NFYC: variants seen among roughly 807,000 people sequenced by gnomAD.
NFYC encodes the protein nuclear transcription factor Y subunit gamma.
In NFYC, 25 loss-of-function variants were observed where a neutral mutation model predicts 53.1. The ratio of observed to expected loss-of-function variants is 0.47; its 90% CI spans 0.34 to 0.66. NFYC has a LOEUF of 0.66. Among genes scored for constraint, NFYC ranks in the 30% least tolerant of loss-of-function variants. NFYC has a pLI of 0.01. For missense variants in NFYC, 260 were observed against 422.7 expected (o/e 0.62, Z 3.38); for synonymous variants, 145 against 152.6 (o/e 0.95, Z 0.37).
At chr1:40,756,066 A>G (rs1646202096) in intron 5 of NFYC, among the ~76,000 whole-genome samples, 2 of 152,172 alleles carry the variant, frequency 1.3e-5, no homozygotes, top group Non-Finnish European at 2.9e-5. Flanking sequence ...TCATTACCCA[A>G]GAGCTTTTCC....
At chr1:40,762,086 T>C (rs942408930) in intron 6 of NFYC, among the ~76,000 whole-genome samples, 1 of 152,244 alleles carries the variant, frequency 6.6e-6, no homozygotes, top group African/African-American at 2.4e-5. Flanking sequence ...GTACATTTCA[T>C]AGGACTACAA....
chr1:40,758,073 G>C, intron 5 of NFYC, 48 bp from the exon 6 acceptor site: 1 of 1,603,662 alleles, frequency 6.2e-7, no homozygotes, highest in Non-Finnish European at 8.5e-7. Context: ...TGTGGCGGCT[G>C]CTGAGTTGGT....
intron 5 of NFYC, among the ~76,000 whole-genome samples, chr1:40,756,149 C>A (rs1646207396): frequency 6.6e-6 from 1 of 152,212 alleles, no homozygotes; most frequent in Non-Finnish European, 1.5e-5. Flanking sequence ...AACACAAGTA[C>A]CTTGAACCTA....
intron 1 of NFYC, among the ~76,000 whole-genome samples, chr1:40,713,837 G>A (rs1644025118): frequency 6.6e-6 from 1 of 152,070 alleles, no homozygotes; most frequent in East Asian, 1.9e-4. Context: ...TTCTGTATAG[G>A]CTTGCTGTTT....
At chr1:40,735,669 G>A (rs572097056) in intron 1 of NFYC, 1 of 985,402 alleles carries the variant, frequency 1.0e-6, no homozygotes, top group Non-Finnish European at 1.2e-6. Context: ...TGGCAATTGT[G>A]CATCTTTCTC....
At chr1:40,759,139 A>T (rs555262993) in intron 6 of NFYC, among the ~76,000 whole-genome samples, 1 of 151,990 alleles carries the variant, frequency 6.6e-6, no homozygotes, top group Admixed American at 6.6e-5. Flanking sequence ...TGGGAGGCCA[A>T]TGTGGGAGGA....
chr1:40,754,507 TTCC>T (rs1570660808), intron 5 of NFYC: 1 of 495,340 alleles, frequency 2.0e-6, no homozygotes, highest in East Asian at 5.8e-5. Context: ...ACAGGCTCAA[TTCC>T]TCCTCTTGGG....
At chr1:40,728,315 G>A (rs1235628881) in intron 1 of NFYC, among the ~76,000 whole-genome samples, 1 of 152,122 alleles carries the variant, frequency 6.6e-6, no homozygotes, top group Admixed American at 6.5e-5. Context: ...TACTAATCTC[G>A]GCTGGGCGCG....
At chr1:40,731,269 G>T (rs916762710) in intron 1 of NFYC, among the ~76,000 whole-genome samples, 5 of 152,092 alleles carry the variant, frequency 3.3e-5, no homozygotes, top group African/African-American at 1.2e-4. Context: ...CCACCTCCTG[G>T]GTTCAAGCGA....
At chr1:40,747,730 G>T in intron 3 of NFYC, 125 bp downstream of exon 3, 1 of 667,384 alleles carries the variant, frequency 1.5e-6, no homozygotes, top group Non-Finnish European at 2.5e-6. Flanking sequence ...CTGTTGCTTT[G>T]TTATTTGGTT....
At chr1:40,710,579 G>A (rs1048100994) in intron 1 of NFYC, among the ~76,000 whole-genome samples, 2 of 152,166 alleles carry the variant, frequency 1.3e-5, no homozygotes, top group Admixed American at 1.3e-4. Context: ...TTGCAAATAT[G>A]GAATGAAGGT....
rs941749774 is a variant in NFYC at position 40,762,929 on chromosome 1, G to A, written c.603G>A (p.Val201=). 1.9e-6 allele frequency: 3 copies of A among 1,610,490 alleles called. No individual in the cohort carries two copies. Among genetic ancestry groups the A allele is most frequent in the South Asian group, 1.1e-5 (1 of 90,698 alleles). Residue 201 remains valine, a synonymous_variant, in exon 7 of 10, where the codon GTG becomes GTA. Coordinates refer to ENST00000447388, the MANE Select transcript of NFYC (RefSeq NM_014223.5). ...VTMQVGEGQQ[V]QIVQAQPQGQ... Reference sequence around the variant, plus strand: ...TGCAGGTTGGAGAAGGTCAGCAGGTGCAGATTGTCCAGGCTCAGCCACAGG... The same window carrying A: ...TGCAGGTTGGAGAAGGTCAGCAGGTACAGATTGTCCAGGCTCAGCCACAGG...
intron 1 of NFYC, among the ~76,000 whole-genome samples, chr1:40,707,758 G>C (rs1643775275): frequency 6.6e-6 from 1 of 151,230 alleles, no homozygotes. Flanking sequence ...AAGATCGCTT[G>C]AGCCCAGGAG....
chr1:40,738,484 A>C (rs969121100), intron 1 of NFYC, among the ~76,000 whole-genome samples: 1 of 152,226 alleles, frequency 6.6e-6, no homozygotes, highest in Non-Finnish European at 1.5e-5. Flanking sequence ...ATTGAAAATT[A>C]TGGGCTAGAC....
intron 1 of NFYC, among the ~76,000 whole-genome samples, chr1:40,717,862 A>T (rs1260081379): frequency 6.6e-6 from 1 of 152,240 alleles, no homozygotes; most frequent in Admixed American, 6.5e-5. Context: ...AGTAATTTAT[A>T]GCCCACATGA....
rs527662375 is a variant in NFYC at position 40,730,554 on chromosome 1, C to T, written c.-8-8282C>T. 4 of 985,190 alleles carry T rather than the reference C, an allele frequency of 4.1e-6. No individual in the cohort carries two copies. In the South Asian group the frequency reaches 1.9e-4, roughly 46 times the overall value. The allele number at this position is 985,190 out of a possible 1,614,324, so 61.0% of individuals were successfully genotyped here. ...TATAGTTGTAAAAAGGATGTCACCT[C>T]ATGACAGAGGAAGATATGATCAAAA... On this transcript the variant is annotated intron_variant, in intron 1 of 9. Transcript: ENST00000447388.
rs747994542 is a variant in NFYC, at chr1:40,753,163, G to T, written c.304G>T (p.Ala102Ser). The T allele has an allele frequency of 6.2e-7, 1 of 1,612,176 alleles. No individual in the cohort carries two copies. The highest frequency in any genetic ancestry group is 8.5e-7 in the Non-Finnish European group (1 of 1,178,502). ...KRRTLQRNDI[A>S]MAITKFDQFD... Reference sequence around the variant, plus strand: ...TTCTTTGTTACAGAGAAATGATATCGCCATGGCAATTACAAAATTTGATCA... The same window carrying T: ...TTCTTTGTTACAGAGAAATGATATCTCCATGGCAATTACAAAATTTGATCA... The change falls in exon 5 of 10, where the codon GCC (alanine) becomes TCC (serine). Residue 102 changes from alanine (A) to serine (S), a missense_variant. Coordinates refer to ENST00000447388, the MANE Select transcript of NFYC (RefSeq NM_014223.5).
chr1:40,764,860 A>G (rs930130396), intron 7 of NFYC, among the ~76,000 whole-genome samples: 2 of 152,222 alleles, frequency 1.3e-5, no homozygotes, highest in Admixed American at 6.5e-5. Context: ...AACCTAGGCC[A>G]AAAAGGAAAG....
intron 2 of NFYC, among the ~76,000 whole-genome samples, chr1:40,745,007 A>G (rs187816058): frequency 2.2e-4 from 34 of 152,322 alleles, no homozygotes; most frequent in African/African-American, 7.9e-4. Context: ...TGAGATCTCA[A>G]GGTTTCAGGA....
Sources: gnomAD v4.1 joint callset for allele counts (sites outside exome capture counted in the v4.1 genomes callset) on GRCh38, gnomAD v4.1.1 for gene constraint, MANE v1.5 for transcripts, NCBI Gene and HGNC (gene_info 2026-07-23, HGNC 2026-07-21) for gene names.